Variants in NDUFS4 observed in about 807,000 individuals in gnomAD.
NDUFS4 encodes the protein NADH:ubiquinone oxidoreductase subunit S4.
In NDUFS4, 28 loss-of-function variants were observed where a neutral mutation model predicts 24.3. The ratio of observed to expected loss-of-function variants is 1.15; its 90% CI spans 0.85 to 1.58. NDUFS4 has a LOEUF of 1.58. Among genes scored for constraint, NDUFS4 ranks in the 40% most tolerant of loss-of-function variants. NDUFS4 has a pLI of 0.00. For synonymous variants in NDUFS4, 93 were observed against 69.7 expected, an observed-to-expected ratio of 1.34 and a Z score of -1.67; for missense variants, 223 against 207.9, an observed-to-expected ratio of 1.07 and a Z score of -0.45.
intron 1 of NDUFS4, 22 bp from the exon 2 acceptor site, chr5:53,603,430 A>G (rs1277001787): frequency 1.3e-5 from 21 of 1,594,860 alleles, no homozygotes; most frequent in Non-Finnish European, 1.6e-5. Flanking sequence ...ATCCTTTTTT[A>G]ACTTAAAGTC....
chr5:53,681,476 G>A (rs969552644), intron 4 of NDUFS4, among the ~76,000 whole-genome samples: 6 of 152,084 alleles, frequency 3.9e-5, no homozygotes, highest in South Asian at 4.1e-4. Flanking sequence ...CCTTATGAAA[G>A]ACAAAGTTTT....
At chr5:53,629,908 G>T (rs1470686465) in intron 2 of NDUFS4, among the ~76,000 whole-genome samples, 2 of 152,110 alleles carry the variant, frequency 1.3e-5, no homozygotes, top group Non-Finnish European at 2.9e-5. Flanking sequence ...GTGTGAATTT[G>T]ATCCTGTCAT....
chr5:53,598,102 A>AC (rs1483971649), intron 1 of NDUFS4, among the ~76,000 whole-genome samples: 1 of 152,232 alleles, frequency 6.6e-6, no homozygotes, highest in Non-Finnish European at 1.5e-5. Context: ...TACTGACCAC[A>AC]CCAAATGCTG....
At chr5:53,618,463 G>A (rs944403088) in intron 2 of NDUFS4, among the ~76,000 whole-genome samples, 2 of 152,104 alleles carry the variant, frequency 1.3e-5, no homozygotes, top group African/African-American at 4.8e-5. Context: ...CAGGTACTAA[G>A]TTCTAGGGCA....
At chr5:53,650,986 A>G (rs960953530) in intron 3 of NDUFS4, among the ~76,000 whole-genome samples, 1 of 152,224 alleles carries the variant, frequency 6.6e-6, no homozygotes, top group African/African-American at 2.4e-5. Context: ...TTGATTGAAA[A>G]TGAGATATAC....
At chr5:53,667,683 T>C (rs1752558782) in intron 4 of NDUFS4, among the ~76,000 whole-genome samples, 1 of 152,056 alleles carries the variant, frequency 6.6e-6, no homozygotes, top group African/African-American at 2.4e-5. Context: ...TCTGATAAGT[T>C]AAGGCATTTA....
At chr5:53,597,150 G>C (rs529970693) in intron 1 of NDUFS4, among the ~76,000 whole-genome samples, 1 of 152,284 alleles carries the variant, frequency 6.6e-6, no homozygotes, top group South Asian at 2.1e-4. Flanking sequence ...GGCTGGCAAA[G>C]TGCTATTGGC....
chr5:53,665,984 A>T (rs1332362457), intron 4 of NDUFS4, among the ~76,000 whole-genome samples: 2 of 152,204 alleles, frequency 1.3e-5, no homozygotes, highest in East Asian at 3.9e-4. Flanking sequence ...AACTCTTAAT[A>T]GACCTTTAAA....
chr5:53,629,663 TG>T (rs1287803178), intron 2 of NDUFS4, among the ~76,000 whole-genome samples: 37 of 152,336 alleles, frequency 2.4e-4, no homozygotes, highest in Non-Finnish European at 4.6e-4. Flanking sequence ...CGATCTTTGT[TG>T]GTTTAAAGTC....
intron 2 of NDUFS4, among the ~76,000 whole-genome samples, chr5:53,643,466 G>T (rs924506335): frequency 5.3e-5 from 8 of 152,056 alleles, no homozygotes; most frequent in African/African-American, 1.9e-4. Flanking sequence ...AATTTAGAGG[G>T]AACCACACAA....
At chr5:53,678,628 A>G (rs1189296692) in intron 4 of NDUFS4, among the ~76,000 whole-genome samples, 1 of 152,182 alleles carries the variant, frequency 6.6e-6, no homozygotes, top group Admixed American at 6.6e-5. Flanking sequence ...TCACTTCCAT[A>G]TTCCCATTCA....
At chr5:53,568,268 T>C (rs7736747) in intron 1 of NDUFS4, among the ~76,000 whole-genome samples, 30,957 of 151,992 alleles carry the variant, frequency 0.2, 3,670 homozygotes, top group East Asian at 0.46. Context: ...AAATTATCTG[T>C]TGGGTGCCTA....
chr5:53,594,269 C>A (rs1029394998), intron 1 of NDUFS4, among the ~76,000 whole-genome samples: 1 of 151,950 alleles, frequency 6.6e-6, no homozygotes, highest in East Asian at 1.9e-4. Flanking sequence ...GAGAACTGAC[C>A]CCTTTATCAC....
intron 2 of NDUFS4, among the ~76,000 whole-genome samples, chr5:53,640,505 A>G (rs1751680356): frequency 6.6e-6 from 1 of 152,118 alleles, no homozygotes; most frequent in African/African-American, 2.4e-5. Flanking sequence ...GGCTGATTCT[A>G]CTCATGGCAG....
intron 2 of NDUFS4, among the ~76,000 whole-genome samples, chr5:53,629,553 C>T (rs1440673885): frequency 9.9e-5 from 15 of 152,184 alleles, no homozygotes; most frequent in Admixed American, 9.8e-4. Flanking sequence ...CTTTATGAAT[C>T]TGGGTGCTCC....
chr5:53,630,667 G>A (rs893953127), intron 2 of NDUFS4, among the ~76,000 whole-genome samples: 6 of 151,584 alleles, frequency 4.0e-5, no homozygotes, highest in Non-Finnish European at 8.8e-5. Context: ...CAGCTTGATC[G>A]ATTCGGCTAT....
At chr5:53,678,716 C>T (rs1397179125) in intron 4 of NDUFS4, among the ~76,000 whole-genome samples, 1 of 152,068 alleles carries the variant, frequency 6.6e-6, no homozygotes, top group Non-Finnish European at 1.5e-5. Context: ...GAAATTTAAA[C>T]ATTTAATATC....
At chr5:53,670,491 C>T (rs539419595) in intron 4 of NDUFS4, among the ~76,000 whole-genome samples, 14 of 151,356 alleles carry the variant, frequency 9.2e-5, no homozygotes, top group Non-Finnish European at 1.2e-4. Context: ...AAACACTGGA[C>T]GAAGTAAAAT....
At position 53,615,058 on chromosome 5, in the gene NDUFS4, T is replaced by C. The variant is rs565773458; in HGVS notation, c.177+11528T>C. 2.6e-4 allele frequency among the ~76,000 whole-genome samples: 39 copies of C among 152,054 alleles called. No homozygotes were observed. The South Asian group carries it at 8.1e-3, about 32-fold the overall frequency. ...ATAATTATAAAGAAACCATCAAATT[T>C]ATGGTAGGGTATGCAGATAGATCCC... On this transcript the variant is annotated intron_variant, in intron 2 of 4. Coordinates refer to ENST00000296684, the MANE Select transcript of NDUFS4 (RefSeq NM_002495.4).
Sources: gnomAD v4.1 joint callset for allele counts (sites outside exome capture counted in the v4.1 genomes callset) on GRCh38, gnomAD v4.1.1 for gene constraint, MANE v1.5 for transcripts, NCBI Gene and HGNC (gene_info 2026-07-23, HGNC 2026-07-21) for gene names.